LIMD1: variants seen among roughly 807,000 people sequenced by gnomAD.
LIMD1 encodes LIM domain-containing protein 1.
Under a neutral mutation model 58.4 loss-of-function variants are expected in LIMD1, and 23 were observed. The observed-to-expected ratio is 0.39, with a 90% CI of 0.28 to 0.56. LIMD1 has a LOEUF of 0.56. Among genes scored for constraint, LIMD1 ranks in the 20% least tolerant of loss-of-function variants. The pLI is 0.57. For synonymous variants in LIMD1, 334 were observed against 345.5 expected (o/e 0.97, Z 0.37); for missense variants, 838 against 855.5 (o/e 0.98, Z 0.25).
intron 1 of LIMD1, among the ~76,000 whole-genome samples, chr3:45,621,491 T>C (rs1006432706): frequency 7.2e-5 from 11 of 152,112 alleles, no homozygotes; most frequent in Non-Finnish European, 1.5e-4. Flanking sequence ...CCTCCCACCT[T>C]GACTTCCCAA....
chr3:45,616,568 G>C (rs1299280745), intron 1 of LIMD1, among the ~76,000 whole-genome samples: 1 of 86,306 alleles, frequency 1.2e-5, no homozygotes, highest in Non-Finnish European at 2.2e-5. Flanking sequence ...CTGAGTCCCT[G>C]CTGTGTGCTG....
intron 1 of LIMD1, among the ~76,000 whole-genome samples, chr3:45,630,411 G>A (rs1466095927): frequency 1.3e-5 from 2 of 152,194 alleles, no homozygotes; most frequent in Non-Finnish European, 2.9e-5. Context: ...AGAGGGGCTG[G>A]CTCCAAATGA....
intron 1 of LIMD1, chr3:45,635,855 G>A: frequency 3.2e-5 from 31 of 983,376 alleles, no homozygotes; most frequent in South Asian, 1.9e-4. Flanking sequence ...GGGAACCTTC[G>A]AAAGCTTTGG....
intron 3 of LIMD1, among the ~76,000 whole-genome samples, chr3:45,665,921 G>A (rs2125668846): frequency 6.6e-6 from 1 of 152,294 alleles, no homozygotes; most frequent in Middle Eastern, 3.4e-3. Context: ...GAACTGTGGG[G>A]TCACTTGGCT....
Position 45,679,008 on chromosome 3 carries a change from C to G in LIMD1, c.*1949C>G, listed in dbSNP as rs1697705694. 1 of 152,226 alleles carries G rather than the reference C, an allele frequency of 6.6e-6. No homozygotes were observed. Among genetic ancestry groups the G allele is most frequent in the South Asian group, 2.1e-4 (1 of 4,828 alleles). The allele number at this position is 152,226 out of a possible 1,614,324, so 9.4% of individuals were successfully genotyped here. On this transcript the variant is annotated 3_prime_UTR_variant, in exon 8 of 8. Transcript: ENST00000273317. ...GACCCTCTCTTCCCATCAAATCATCCAGCTCAGTGTGGGGCGTGGCAGGGG... is the reference window on the plus strand; with the variant it reads ...GACCCTCTCTTCCCATCAAATCATCGAGCTCAGTGTGGGGCGTGGCAGGGG...
At chr3:45,639,317 C>A (rs888364906) in intron 2 of LIMD1, among the ~76,000 whole-genome samples, 1 of 152,324 alleles carries the variant, frequency 6.6e-6, no homozygotes, top group East Asian at 1.9e-4. Flanking sequence ...GGCTGTTTTC[C>A]ACCTCAAGCA....
intron 2 of LIMD1, among the ~76,000 whole-genome samples, chr3:45,653,697 G>C (rs1433575541): frequency 5.3e-5 from 8 of 152,022 alleles, no homozygotes; most frequent in African/African-American, 1.9e-4. Flanking sequence ...ATCACCTGAG[G>C]TCAGGAATTC....
rs1252813771 is a variant in LIMD1 at position 45,685,069 on chromosome 3, T to A, written c.*8010T>A. 3 of 152,214 alleles carry A rather than the reference T, an allele frequency of 2.0e-5. No individual in the cohort carries two copies. The highest frequency in any genetic ancestry group is 4.4e-5 in the Non-Finnish European group (3 of 68,038). The allele number at this position is 152,214 out of a possible 1,614,324, so 9.4% of individuals were successfully genotyped here. A position where few individuals can be genotyped will look rare whatever the true frequency, so the allele number is the denominator to read the frequency against. On this transcript the variant is annotated 3_prime_UTR_variant, in exon 8 of 8. Transcript: ENST00000273317. Reference sequence around the variant, plus strand: ...GTAGGTTGTAGAGATTATTTGGATGTGCCAACAAGCTTCATCTGCAGCTTG... The same window carrying A: ...GTAGGTTGTAGAGATTATTTGGATGAGCCAACAAGCTTCATCTGCAGCTTG...
At position 45,685,723 on chromosome 3, in the gene LIMD1, C is replaced by G. The variant is rs1003476950; in HGVS notation, c.*8664C>G. The G allele has an allele frequency of 6.6e-6, 1 of 152,234 alleles. No individual in the cohort carries two copies. The highest frequency in any genetic ancestry group is 1.5e-5 in the Non-Finnish European group (1 of 68,050). The allele number at this position is 152,234 out of a possible 1,614,324, so 9.4% of individuals were successfully genotyped here. On this transcript the variant is annotated 3_prime_UTR_variant, in exon 8 of 8. Transcript: ENST00000273317. ...TCAAGAGCCCAGACTCACATTCTAT[C>G]TCAGGCTTCATAACTCAATTGCTCC...
chr3:45,677,051 C>T lies in LIMD1; in HGVS notation c.2023C>T (p.His675Tyr), dbSNP rs1157954139. Residue 675 changes from histidine to tyrosine, a missense_variant, in exon 8 of 8, where the codon CAC (histidine) becomes TAC (tyrosine). By Grantham distance (83) the His-to-Tyr change is moderately conservative (BLOSUM62 2). Transcript: ENST00000273317. The stretch of plus-strand genomic sequence containing the variant: ...CTCATCTACAGCCCTTCACCAGCAC[C>T]ACTTCTAGCCAGAGCCACTTGCAGA... ...RPSSTALHQH[H>Y]F The T allele has an allele frequency of 6.2e-7, 1 of 1,613,528 alleles. No individual in the cohort carries two copies. The highest frequency in any genetic ancestry group is 8.5e-7 in the Non-Finnish European group (1 of 1,179,882).
intron 1 of LIMD1, among the ~76,000 whole-genome samples, chr3:45,605,465 A>G (rs1701459728): frequency 6.6e-6 from 1 of 152,264 alleles, no homozygotes; most frequent in African/African-American, 2.4e-5. Flanking sequence ...CATTCTTAGA[A>G]TAATCAGTGT....
intron 1 of LIMD1, among the ~76,000 whole-genome samples, chr3:45,610,605 A>T (rs1398089692): frequency 1.3e-5 from 2 of 152,184 alleles, no homozygotes; most frequent in Non-Finnish European, 2.9e-5. Context: ...TGAAAAGCCT[A>T]ATAAGCACGT....
At chr3:45,614,344 G>A (rs1701556590) in intron 1 of LIMD1, among the ~76,000 whole-genome samples, 1 of 150,904 alleles carries the variant, frequency 6.6e-6, no homozygotes, top group Admixed American at 6.6e-5. Context: ...TGGCTAACAT[G>A]GTGAAACCCA....
At chr3:45,597,907 A>G (rs1701373526) in intron 1 of LIMD1, among the ~76,000 whole-genome samples, 1 of 152,140 alleles carries the variant, frequency 6.6e-6, no homozygotes, top group Non-Finnish European at 1.5e-5. Context: ...GCCAGTTCTC[A>G]CCCCATACTC....
chr3:45,668,993 A>G (rs1200678785), intron 4 of LIMD1, among the ~76,000 whole-genome samples: 1 of 152,172 alleles, frequency 6.6e-6, no homozygotes, highest in Non-Finnish European at 1.5e-5. Flanking sequence ...CAGAAATCTC[A>G]GCTACCTTGG....
At chr3:45,636,035 T>G in intron 1 of LIMD1, 115 bp from the exon 2 acceptor site, 1 of 1,554,328 alleles carries the variant, frequency 6.4e-7, no homozygotes, top group Non-Finnish European at 8.7e-7. Flanking sequence ...CCACTGGATT[T>G]GGTGGTGGGC....
In LIMD1 at chr3:45,595,411, G is replaced by A; in HGVS notation, c.532G>A (p.Asp178Asn). 2.5e-6 allele frequency: 4 copies of A among 1,614,062 alleles called. No homozygotes were observed. Among genetic ancestry groups the A allele is most frequent in the Non-Finnish European group, 3.4e-6 (4 of 1,180,028 alleles). Residue 178 changes from aspartate to asparagine, a missense_variant, in exon 1 of 8, where the codon GAC becomes AAC. By Grantham distance (23) the Asp-to-Asn change is conservative. Around this residue, in one of 3 missense-constraint regions of LIMD1, gnomAD observed 659 missense variants for 639.8 expected, o/e 1.03. Transcript: ENST00000273317. ...CEDPSCLTHGDYYDNLSLASP... is the reference protein window; with the variant it reads ...CEDPSCLTHGNYYDNLSLASP... The stretch of plus-strand genomic sequence containing the variant: ...GGATCCTTCCTGCCTCACTCATGGA[G>A]ACTATTATGACAACCTCTCCTTGGC...
chr3:45,614,404 G>T (rs1207171353), intron 1 of LIMD1, among the ~76,000 whole-genome samples: 5 of 136,422 alleles, frequency 3.7e-5, no homozygotes, highest in Non-Finnish European at 7.8e-5. Flanking sequence ...GCGGGCACCT[G>T]TAGTTAAAAA....
At position 45,677,001 on chromosome 3, in the gene LIMD1, A is replaced by G; in HGVS notation, c.1973A>G (p.His658Arg). The change falls in exon 8 of 8, where the codon CAC (histidine) becomes CGC (arginine). Residue 658 changes from histidine (H) to arginine (R), a missense_variant. Transcript: ENST00000273317. ...LEDHLFCHSC[H>R]VKRLEKRPSS... ...GACCACCTGTTCTGTCACTCCTGCC[A>G]CGTGAAGAGGCTGGAGAAGAGACCC... The G allele has an allele frequency of 1.9e-6, 3 of 1,614,032 alleles. No homozygotes were observed. The highest frequency in any genetic ancestry group is 2.5e-6 in the Non-Finnish European group (3 of 1,179,900).
Sources: gnomAD v4.1 joint callset for allele counts (sites outside exome capture counted in the v4.1 genomes callset) on GRCh38, gnomAD v4.1.1 for gene constraint, gnomAD v4.1.1 regional missense constraint, MANE v1.5 for transcripts, NCBI Gene and HGNC (gene_info 2026-07-23, HGNC 2026-07-21) for gene names.